Variants in DIP2B observed in about 807,000 individuals in gnomAD.
DIP2B encodes disco-interacting protein 2 homolog B.
In DIP2B, 76 loss-of-function variants were observed where a neutral mutation model predicts 198.0. That is an observed-to-expected ratio of 0.38 (90% confidence interval 0.32 to 0.46). The LOEUF is 0.46. Ranked by LOEUF, DIP2B falls within the 20% of genes least tolerant of loss-of-function variation. DIP2B has a pLI of 0.99. For missense variants in DIP2B, 1,559 were observed against 1,978.4 expected (o/e 0.79, Z 4.02); for synonymous variants, 701 against 739.1 (o/e 0.95, Z 0.84).
chr12:50,603,621 G>A (rs1958957631), intron 1 of DIP2B, among the ~76,000 whole-genome samples: 1 of 151,876 alleles, frequency 6.6e-6, no homozygotes, highest in South Asian at 2.1e-4. Flanking sequence ...ACTCGGGAGG[G>A]TGAGGTGGGA....
intron 23 of DIP2B, among the ~76,000 whole-genome samples, chr12:50,718,439 C>T (rs758593972): frequency 6.6e-6 from 1 of 152,208 alleles, no homozygotes; most frequent in Non-Finnish European, 1.5e-5. Flanking sequence ...CCACCCCAAT[C>T]CCTGTCCCTC....
At chr12:50,661,534 T>C (rs1938647437) in intron 4 of DIP2B, among the ~76,000 whole-genome samples, 2 of 152,254 alleles carry the variant, frequency 1.3e-5, no homozygotes, top group South Asian at 2.1e-4. Context: ...GAAATAGCTC[T>C]GTGGCTTCAA....
At chr12:50,679,527 C>T (rs1373666414) in intron 8 of DIP2B, 1 of 152,114 alleles carries the variant, frequency 6.6e-6, no homozygotes, top group African/African-American at 2.4e-5. Flanking sequence ...TTGGATGCCC[C>T]TCTGAATAAA....
In DIP2B at chr12:50,591,370, A is replaced by T. The variant is rs185111221; in HGVS notation, c.101-34606A>T. 3.1e-4 allele frequency among the ~76,000 whole-genome samples: 47 copies of T among 150,742 alleles called. 1 individual carries two copies. The East Asian group carries it at 6.2e-3, about 20-fold the overall frequency. ...GTTTACCCATCTGATTTTTTTTTTT[A>T]AATCCTAATCTTTTCCCCATTGTAT... is the stretch of plus-strand genomic sequence containing the variant. On this transcript the variant is annotated intron_variant, in intron 1 of 37. Coordinates refer to ENST00000301180, the MANE Select transcript of DIP2B (RefSeq NM_173602.3).
intron 3 of DIP2B, among the ~76,000 whole-genome samples, chr12:50,651,014 A>G (rs988705322): frequency 2.0e-5 from 3 of 152,186 alleles, no homozygotes; most frequent in African/African-American, 7.2e-5. Flanking sequence ...AATGGATGTA[A>G]GTAAGGTATG....
At chr12:50,625,844 A>ACATGAG in intron 1 of DIP2B, 132 bp from the exon 2 acceptor site, 1 of 862,750 alleles carries the variant, frequency 1.2e-6, no homozygotes. Flanking sequence ...GCAAAGAACC[A>ACATGAG]TACATTCCCC....
chr12:50,649,656 C>T (rs762820981), intron 3 of DIP2B, among the ~76,000 whole-genome samples: 2 of 152,112 alleles, frequency 1.3e-5, no homozygotes, highest in South Asian at 4.2e-4. Flanking sequence ...GAGTTCGAGG[C>T]CAGGCTGGCC....
intron 1 of DIP2B, among the ~76,000 whole-genome samples, chr12:50,589,795 G>A (rs1358704685): frequency 1.3e-5 from 2 of 152,094 alleles, no homozygotes; most frequent in African/African-American, 4.8e-5. Flanking sequence ...AAACAACTGA[G>A]TAATTTAGGA....
Position 50,672,077 on chromosome 12 carries a change from A to C in DIP2B, c.640+679A>C, listed in dbSNP as rs1938865525. 5.3e-5 allele frequency among the ~76,000 whole-genome samples: 8 copies of C among 152,342 alleles called. No homozygotes were observed. In the South Asian group the frequency reaches 1.7e-3, roughly 32 times the overall value. On this transcript the variant is annotated intron_variant, in intron 5 of 37. Transcript: ENST00000301180. ...TAATTGGTTGTTACAAATTACACCAAGTAATGTGTGTTAACATTATGTGTC... is the reference window on the plus strand; with the variant it reads ...TAATTGGTTGTTACAAATTACACCACGTAATGTGTGTTAACATTATGTGTC...
At chr12:50,670,009 T>A (rs1401208107) in intron 4 of DIP2B, among the ~76,000 whole-genome samples, 1 of 152,146 alleles carries the variant, frequency 6.6e-6, no homozygotes, top group Non-Finnish European at 1.5e-5. Context: ...TTAGAAAGGT[T>A]TATCTCACAT....
chr12:50,608,008 G>C (rs1195857327), intron 1 of DIP2B, among the ~76,000 whole-genome samples: 1 of 152,104 alleles, frequency 6.6e-6, no homozygotes, highest in East Asian at 1.9e-4. Context: ...GGCCAGGCTG[G>C]TGTCAAACTC....
In DIP2B at chr12:50,641,204, A is replaced by G. The variant is rs573472343; in HGVS notation, c.301+352A>G. On this transcript the variant is annotated intron_variant, in intron 3 of 37. Coordinates refer to ENST00000301180, the MANE Select transcript of DIP2B (RefSeq NM_173602.3). Reference sequence around the variant, plus strand: ...AAACCTCGTCTGTACTAAAAATACAAAAATTAGCTGGGCATGGTGGTGGGC... The same window carrying G: ...AAACCTCGTCTGTACTAAAAATACAGAAATTAGCTGGGCATGGTGGTGGGC... Among the ~76,000 whole-genome samples, 5 of 152,262 alleles carry G rather than the reference A, an allele frequency of 3.3e-5. No homozygotes were observed. The East Asian group carries it at 7.7e-4, about 24-fold the overall frequency.
intron 1 of DIP2B, among the ~76,000 whole-genome samples, chr12:50,620,551 C>G (rs1937791673): frequency 6.6e-6 from 1 of 152,156 alleles, no homozygotes; most frequent in Non-Finnish European, 1.5e-5. Flanking sequence ...ATGCCTGCCT[C>G]CACTCCTGCC....
intron 28 of DIP2B, 132 bp from the exon 29 acceptor site, chr12:50,727,571 G>C (rs560507760): frequency 2.1e-5 from 16 of 754,810 alleles, no homozygotes; most frequent in African/African-American, 1.7e-4. Context: ...TGAGCTACTT[G>C]GTTAAATATG....
intron 7 of DIP2B, among the ~76,000 whole-genome samples, chr12:50,677,563 C>T (rs1485970133): frequency 2.0e-5 from 3 of 152,150 alleles, no homozygotes; most frequent in Admixed American, 6.5e-5. Flanking sequence ...TGCAGTGAGC[C>T]GAGATCGCTC....
intron 22 of DIP2B, among the ~76,000 whole-genome samples, chr12:50,708,911 T>A (rs1939562733): frequency 6.6e-6 from 1 of 152,246 alleles, no homozygotes; most frequent in South Asian, 2.1e-4. Flanking sequence ...CTGTGTGTCA[T>A]AAGTGGTGCC....
chr12:50,681,875 CTG>C (rs756409203), intron 9 of DIP2B, among the ~76,000 whole-genome samples: 2 of 152,254 alleles, frequency 1.3e-5, no homozygotes, highest in South Asian at 2.1e-4. Flanking sequence ...AAGATGGACA[CTG>C]TGCAGGAAGG....
chr12:50,667,679 T>C lies in DIP2B; in HGVS notation c.428-3507T>C, dbSNP rs140067759. 7.6e-4 allele frequency among the ~76,000 whole-genome samples: 116 copies of C among 152,332 alleles called. 3 individuals are homozygous for C. Among genetic ancestry groups the C allele is most frequent in the Admixed American group, 6.3e-3 (96 of 15,294 alleles). ...GGTGGCATCATTTGGCACAGTATTA[T>C]TTTCTTCTACCAACTGTTAGTCAGT... On this transcript the variant is annotated intron_variant, in intron 4 of 37. Transcript: ENST00000301180.
intron 2 of DIP2B, among the ~76,000 whole-genome samples, chr12:50,634,524 G>A (rs1938121987): frequency 6.6e-6 from 1 of 152,188 alleles, no homozygotes; most frequent in Non-Finnish European, 1.5e-5. Context: ...ACACCAAGGA[G>A]ACAGCATGGG....
Sources: allele counts gnomAD v4.1 joint callset (sites outside exome capture counted in the v4.1 genomes callset), GRCh38; gene constraint gnomAD v4.1.1; transcripts MANE v1.5; gene names NCBI Gene and HGNC (gene_info 2026-07-23, HGNC 2026-07-21).